CNNM2: variants seen among roughly 807,000 people sequenced by gnomAD.
CNNM2 encodes the protein cyclin and CBS domain divalent metal cation transport mediator 2, also known as metal transporter CNNM2.
In CNNM2, 12 loss-of-function variants were observed where a neutral mutation model predicts 66.9. The observed-to-expected ratio is 0.18, with a 90% CI of 0.11 to 0.29. The LOEUF (loss-of-function observed/expected upper bound fraction) is 0.29. Among genes scored for constraint, CNNM2 ranks in the 10% least tolerant of loss-of-function variants. The pLI is 1.00. For synonymous variants in CNNM2, 557 were observed against 501.8 expected (o/e 1.11, Z -1.47); for missense variants, 705 against 1,167.7 (o/e 0.60, Z 5.77).
At position 103,024,391 on chromosome 10, in the gene CNNM2, C is replaced by A. The variant is rs191629613; in HGVS notation, c.1622-25316C>A. On this transcript the variant is annotated intron_variant, in intron 1 of 7. Coordinates refer to ENST00000369878, the MANE Select transcript of CNNM2 (RefSeq NM_017649.5). ...AAAACAGATTCAAGACATACCATTT[C>A]ATGCCTCATAAGTCTAAGCAATAAA... 2.1e-3 allele frequency among the ~76,000 whole-genome samples: 327 copies of A among 152,300 alleles called. 3 individuals are homozygous for A. The highest frequency in any genetic ancestry group is 7.7e-3 in the African/African-American group (322 of 41,572).
chr10:102,948,010 A>T (rs542261765), intron 1 of CNNM2, among the ~76,000 whole-genome samples: 1 of 152,074 alleles, frequency 6.6e-6, no homozygotes, highest in Non-Finnish European at 1.5e-5. Context: ...CCGAGATTGC[A>T]CCACTACACT....
intron 1 of CNNM2, among the ~76,000 whole-genome samples, chr10:102,980,675 C>G (rs1296651859): frequency 6.6e-6 from 1 of 152,144 alleles, no homozygotes; most frequent in African/African-American, 2.4e-5. Context: ...TTCCTCTATC[C>G]TGTTGTTATA....
At chr10:102,939,351 T>C (rs2134176290) in intron 1 of CNNM2, among the ~76,000 whole-genome samples, 1 of 152,354 alleles carries the variant, frequency 6.6e-6, no homozygotes, top group African/African-American at 2.4e-5. Context: ...TTACTTCCTT[T>C]TCCTTGCCAT....
At chr10:102,971,550 C>T (rs1842915373) in intron 1 of CNNM2, among the ~76,000 whole-genome samples, 1 of 151,960 alleles carries the variant, frequency 6.6e-6, no homozygotes, top group Non-Finnish European at 1.5e-5. Flanking sequence ...TAAACATAGC[C>T]AGTTGGGTTT....
intron 1 of CNNM2, among the ~76,000 whole-genome samples, chr10:103,003,198 C>T (rs374721962): frequency 2.6e-5 from 4 of 151,576 alleles, no homozygotes; most frequent in African/African-American, 7.3e-5. Flanking sequence ...CTGCAACCTC[C>T]GCCTCCTGGG....
At chr10:102,947,317 G>A (rs1214530706) in intron 1 of CNNM2, among the ~76,000 whole-genome samples, 2 of 152,120 alleles carry the variant, frequency 1.3e-5, no homozygotes, top group Non-Finnish European at 2.9e-5. Context: ...GCAAGCAGAA[G>A]TTTCTAATTT....
chr10:103,071,958 G>A, intron 6 of CNNM2, 119 bp downstream of exon 6: 1 of 880,538 alleles, frequency 1.1e-6, no homozygotes, highest in Non-Finnish European at 1.9e-6. Flanking sequence ...GTTCCTTGGA[G>A]CGCTAAAGCT....
rs368204496 is a variant in CNNM2, at chr10:102,977,151, C to T, written c.1621+57050C>T. 4.6e-5 allele frequency among the ~76,000 whole-genome samples: 7 copies of T among 152,302 alleles called. No homozygotes were observed. The East Asian group carries it at 9.6e-4, about 21-fold the overall frequency. ...CATCTGACTGCAGAGTGGAAAGCAT[C>T]TGATGGCCCAATTGTGACAAGCTCT... On this transcript the variant is annotated intron_variant, in intron 1 of 7. Coordinates refer to ENST00000369878, the MANE Select transcript of CNNM2 (RefSeq NM_017649.5).
intron 1 of CNNM2, among the ~76,000 whole-genome samples, chr10:102,941,873 G>C (rs1376194172): frequency 6.6e-6 from 1 of 152,138 alleles, no homozygotes; most frequent in East Asian, 1.9e-4. Flanking sequence ...TGCGTTGCCA[G>C]GGCCCACAGC....
In CNNM2 at chr10:103,034,972, C is replaced by CAAAA. The variant is rs71019651; in HGVS notation, c.1622-14720_1622-14717dup. On this transcript the variant is annotated intron_variant, in intron 1 of 7. Coordinates refer to ENST00000369878, the MANE Select transcript of CNNM2 (RefSeq NM_017649.5). ...TGGGCGACAGAGCGAGACTCCGTCTCAAAAAAAAAAAAAAAAAATCTCCTA... is the reference window on the plus strand; with the variant it reads ...TGGGCGACAGAGCGAGACTCCGTCTCAAAAAAAAAAAAAAAAAAAAAATCTCCTA... Among the ~76,000 whole-genome samples, 41 of 71,118 alleles carry CAAAA rather than the reference C, an allele frequency of 5.8e-4. 2 individuals carry two copies. The highest frequency in any genetic ancestry group is 1.0e-3 in the East Asian group (2 of 1,980). 46.7% of individuals were successfully genotyped at this position (71,118 alleles called of 152,430 possible).
In CNNM2 at chr10:103,022,800, T is replaced by C. The variant is rs7906754; in HGVS notation, c.1622-26907T>C. Among the ~76,000 whole-genome samples the C allele has an allele frequency of 0.31, 46,917 of 152,070 alleles. 7,395 individuals are homozygous for C. The highest frequency in any genetic ancestry group is 0.37 in the Middle Eastern group (109 of 294). ...GAAGCATGGCACTGGCATCTGCTCCTGGTGAGGGTCTCAGGAAGTTTACGA... is the reference window on the plus strand; with the variant it reads ...GAAGCATGGCACTGGCATCTGCTCCCGGTGAGGGTCTCAGGAAGTTTACGA... On this transcript the variant is annotated intron_variant, in intron 1 of 7. Coordinates refer to ENST00000369878, the MANE Select transcript of CNNM2 (RefSeq NM_017649.5).
At chr10:102,966,868 T>G (rs1418047654) in intron 1 of CNNM2, among the ~76,000 whole-genome samples, 1 of 151,616 alleles carries the variant, frequency 6.6e-6, no homozygotes, top group Non-Finnish European at 1.5e-5. Flanking sequence ...GGGAGTGAGG[T>G]GGGATGAGGA....
rs140799230 is a variant in CNNM2, at chr10:103,009,593, A to T, written c.1622-40114A>T. On this transcript the variant is annotated intron_variant, in intron 1 of 7. Transcript: ENST00000369878. ...ATAGTCTCAGGTCCTTGGAAGGCTG[A>T]GGCAGGAGGATCGCTTGAGCCCAGG... Among the ~76,000 whole-genome samples, 91 of 144,224 alleles carry T rather than the reference A, an allele frequency of 6.3e-4. 2 individuals are homozygous for T. In the East Asian group the frequency reaches 0.015, roughly 25 times the overall value. 94.6% of individuals were successfully genotyped at this position (144,224 alleles called of 152,430 possible). A position where few individuals can be genotyped will look rare whatever the true frequency, so the allele number is the denominator to read the frequency against.
At chr10:102,949,820 A>G (rs971441628) in intron 1 of CNNM2, among the ~76,000 whole-genome samples, 1 of 151,978 alleles carries the variant, frequency 6.6e-6, no homozygotes, top group Non-Finnish European at 1.5e-5. Flanking sequence ...AATAATAATA[A>G]CAACAACAAC....
intron 4 of CNNM2, among the ~76,000 whole-genome samples, chr10:103,060,353 G>A (rs2065363354): frequency 6.6e-6 from 1 of 152,168 alleles, no homozygotes; most frequent in South Asian, 2.1e-4. Flanking sequence ...CTTGAGTCCA[G>A]GAGTTCAAGA....
Position 103,088,285 on chromosome 10 carries a change from G to GAAAC in CNNM2, c.*11108_*11111dup, listed in dbSNP as rs1332447078. The GAAAC allele has an allele frequency of 6.6e-6, 1 of 152,196 alleles. No individual in the cohort carries two copies. Among genetic ancestry groups the GAAAC allele is most frequent in the East Asian group, 1.9e-4 (1 of 5,196 alleles). The allele number at this position is 152,196 out of a possible 1,614,324, so 9.4% of individuals were successfully genotyped here. ...ATAACCACTGTTTGTTTAAAATGTTGAAACAACTTTCACTGTACTGGTGAA... is the reference window on the plus strand; with the variant it reads ...ATAACCACTGTTTGTTTAAAATGTTGAAACAAACAACTTTCACTGTACTGGTGAA... On this transcript the variant is annotated 3_prime_UTR_variant, in exon 8 of 8. Coordinates refer to ENST00000369878, the MANE Select transcript of CNNM2 (RefSeq NM_017649.5).
chr10:103,031,882 G>GTT (rs2064829859), intron 1 of CNNM2, among the ~76,000 whole-genome samples: 1 of 152,122 alleles, frequency 6.6e-6, no homozygotes, highest in Non-Finnish European at 1.5e-5. Context: ...TCTCCCTCTT[G>GTT]TTTGCATATG....
In CNNM2 at chr10:102,935,633, G is replaced by GTC. The variant is rs1846210577; in HGVS notation, c.1621+15534_1621+15535dup. 4.0e-5 allele frequency among the ~76,000 whole-genome samples: 6 copies of GTC among 148,726 alleles called. No homozygotes were observed. In the South Asian group the frequency reaches 1.3e-3, roughly 32 times the overall value. On this transcript the variant is annotated intron_variant, in intron 1 of 7. Coordinates refer to ENST00000369878, the MANE Select transcript of CNNM2 (RefSeq NM_017649.5). Reference sequence around the variant, plus strand: ...TTTTTTTTTTTTTTTTTGAGACAGGGTCTTGCTCTATTGCCCAGGATGGAG... The same window carrying GTC: ...TTTTTTTTTTTTTTTTTGAGACAGGGTCTCTTGCTCTATTGCCCAGGATGGAG...
chr10:103,009,893 C>T (rs1398236511), intron 1 of CNNM2, among the ~76,000 whole-genome samples: 1 of 151,320 alleles, frequency 6.6e-6, no homozygotes, highest in Admixed American at 6.6e-5. Context: ...ACACCTGCAT[C>T]AGACTGGATT....
Sources: allele counts gnomAD v4.1 joint callset (sites outside exome capture counted in the v4.1 genomes callset), GRCh38; gene constraint gnomAD v4.1.1; transcripts MANE v1.5; gene names NCBI Gene and HGNC (gene_info 2026-07-23, HGNC 2026-07-21).